The following UBE2F variants were observed in gnomAD, a reference collection of about 807,000 sequenced individuals.
UBE2F encodes ubiquitin conjugating enzyme E2 F (putative).
In UBE2F, 5 loss-of-function variants were observed where a neutral mutation model predicts 29.6. That is an observed-to-expected ratio of 0.17 (90% CI 0.09 to 0.36). The LOEUF (loss-of-function observed/expected upper bound fraction) is 0.36. Among genes scored for constraint, UBE2F ranks in the 10% least tolerant of loss-of-function variants. UBE2F has a pLI of 1.00. For missense variants in UBE2F, 141 were observed against 228.5 expected (o/e 0.62, Z 2.47); for synonymous variants, 66 against 81.8 (o/e 0.81, Z 1.04).
At chr2:237,979,810 G>A (rs1318425923) in intron 2 of UBE2F, among the ~76,000 whole-genome samples, 1 of 152,210 alleles carries the variant, frequency 6.6e-6, no homozygotes, top group Non-Finnish European at 1.5e-5. Flanking sequence ...AAAGTAAGTG[G>A]TAGGAGACCT....
At chr2:237,987,755 G>A (rs898823181) in intron 2 of UBE2F, among the ~76,000 whole-genome samples, 3 of 151,972 alleles carry the variant, frequency 2.0e-5, no homozygotes, top group Non-Finnish European at 4.4e-5. Flanking sequence ...AAGGACTTTT[G>A]ACTGAATTTG....
intron 9 of UBE2F, among the ~76,000 whole-genome samples, chr2:238,039,541 C>G (rs1576647835): frequency 6.6e-6 from 1 of 152,240 alleles, no homozygotes. Flanking sequence ...ATCATGATCC[C>G]TGTTTTGCTG....
At chr2:237,978,386 G>A (rs72981226) in intron 2 of UBE2F, among the ~76,000 whole-genome samples, 14,934 of 152,248 alleles carry the variant, frequency 0.098, 1,048 homozygotes, top group African/African-American at 0.2. Flanking sequence ...TCCCTGGGGA[G>A]GGGTGCGAGG....
intron 8 of UBE2F, 161 bp downstream of exon 8, chr2:238,032,415 C>A (rs1160769896): frequency 3.3e-6 from 2 of 605,894 alleles, no homozygotes; most frequent in Non-Finnish European, 5.8e-6. Flanking sequence ...TGGGTGGATC[C>A]CCACTTGAGT....
Position 238,035,868 on chromosome 2 carries a change from T to C in UBE2F, c.445-10T>C, listed in dbSNP as rs1342260009. On this transcript the variant is annotated splice_polypyrimidine_tract_variant and intron_variant, in intron 8 of 9. Coordinates refer to ENST00000272930, the MANE Select transcript of UBE2F (RefSeq NM_080678.3). Reference sequence around the variant, plus strand: ...TCCCAATGTTTACTTTAAGTTTCTCTCTTTTTAAGGATCTTTTGAATTTTG... The same window carrying C: ...TCCCAATGTTTACTTTAAGTTTCTCCCTTTTTAAGGATCTTTTGAATTTTG... 1.2e-6 allele frequency: 2 copies of C among 1,609,568 alleles called. No individual in the cohort carries two copies. The highest frequency in any genetic ancestry group is 1.7e-5 in the Admixed American group (1 of 59,986).
intron 4 of UBE2F, among the ~76,000 whole-genome samples, chr2:237,997,188 G>T (rs1470304479): frequency 2.0e-5 from 3 of 152,138 alleles, no homozygotes; most frequent in East Asian, 3.9e-4. Context: ...GATTGGCCCA[G>T]TGCACTCCAG....
intron 4 of UBE2F, among the ~76,000 whole-genome samples, chr2:238,006,363 C>G (rs992614157): frequency 6.6e-6 from 1 of 152,214 alleles, no homozygotes; most frequent in Non-Finnish European, 1.5e-5. Context: ...CAATGGGCAT[C>G]ACATTTCAAC....
chr2:238,016,523 T>C (rs951333674), intron 4 of UBE2F, 43 bp from the exon 5 acceptor site: 7 of 1,521,704 alleles, frequency 4.6e-6, no homozygotes, highest in Non-Finnish European at 5.4e-6. Context: ...CTTTTTTTTT[T>C]AATTTAAAGG....
chr2:238,013,320 T>C (rs1320562456), intron 4 of UBE2F, among the ~76,000 whole-genome samples: 1 of 151,900 alleles, frequency 6.6e-6, no homozygotes, highest in Non-Finnish European at 1.5e-5. Context: ...GAAAAGCGAA[T>C]GGAGACACAG....
intron 2 of UBE2F, chr2:237,973,663 C>T (rs763882390): frequency 2.3e-6 from 3 of 1,302,652 alleles, no homozygotes; most frequent in African/African-American, 1.5e-5. Context: ...AAGCCTACGG[C>T]GAATCTTGTG....
chr2:237,998,159 G>A (rs942223033), intron 4 of UBE2F, among the ~76,000 whole-genome samples: 42 of 152,084 alleles, frequency 2.8e-4, no homozygotes, highest in African/African-American at 9.9e-4. Context: ...GTTTTACTGA[G>A]GTATAAAATT....
At chr2:238,027,416 A>G (rs958188129) in intron 6 of UBE2F, among the ~76,000 whole-genome samples, 10 of 152,340 alleles carry the variant, frequency 6.6e-5, no homozygotes, top group Admixed American at 2.0e-4. Context: ...CAGTAACCAG[A>G]GAAAGGCGCA....
chr2:238,013,159 A>G (rs2064079286), intron 4 of UBE2F, among the ~76,000 whole-genome samples: 1 of 152,124 alleles, frequency 6.6e-6, no homozygotes, highest in Admixed American at 6.5e-5. Context: ...AGTCCCAGCT[A>G]CTTGGGTGGT....
intron 2 of UBE2F, chr2:237,973,680 T>C (rs1387685350): frequency 2.3e-5 from 30 of 1,302,790 alleles, no homozygotes; most frequent in Non-Finnish European, 2.9e-5. Context: ...TGTGAAAAAT[T>C]AGTTCTCTTC....
chr2:237,982,951 A>C lies in UBE2F; in HGVS notation c.119-5012A>C, dbSNP rs2063407433. ...GTGGGCATGAGAAGAATAATGGTAA[A>C]CCTTTCCTAGGATCACCATCATTAT... On this transcript the variant is annotated intron_variant, in intron 2 of 9. Coordinates refer to ENST00000272930, the MANE Select transcript of UBE2F (RefSeq NM_080678.3). The surrounding 1 kb of genome is among the most constrained non-coding windows in gnomAD (Gnocchi z 4.1). Among the ~76,000 whole-genome samples, 1 of 152,052 alleles carries C rather than the reference A, an allele frequency of 6.6e-6. No homozygotes were observed. Among genetic ancestry groups the C allele is most frequent in the Admixed American group, 6.5e-5 (1 of 15,270 alleles).
At chr2:238,000,767 A>G (rs1012504083) in intron 4 of UBE2F, among the ~76,000 whole-genome samples, 2 of 152,172 alleles carry the variant, frequency 1.3e-5, no homozygotes, top group Non-Finnish European at 2.9e-5. Flanking sequence ...TTGCATTCCT[A>G]CTAGCAATGA....
At chr2:237,983,346 C>G (rs2063416182) in intron 2 of UBE2F, among the ~76,000 whole-genome samples, 1 of 152,212 alleles carries the variant, frequency 6.6e-6, no homozygotes, top group Admixed American at 6.5e-5. Context: ...ATGTCCTGGC[C>G]CTGAGAGGGA....
chr2:238,036,345 T>G (rs139661778), intron 9 of UBE2F, among the ~76,000 whole-genome samples: 12 of 152,248 alleles, frequency 7.9e-5, no homozygotes, highest in African/African-American at 2.9e-4. Flanking sequence ...AGCTAATTTT[T>G]TTACTTTTAT....
chr2:237,994,430 T>C (rs912715569), intron 3 of UBE2F, among the ~76,000 whole-genome samples: 2 of 152,214 alleles, frequency 1.3e-5, no homozygotes, highest in African/African-American at 4.8e-5. Flanking sequence ...GGTTTCTTCT[T>C]GTCAAAGTAC....
Sources: allele counts gnomAD v4.1 joint callset (sites outside exome capture counted in the v4.1 genomes callset), GRCh38; gene constraint gnomAD v4.1.1; non-coding constraint Gnocchi (gnomAD v3.1); transcripts MANE v1.5; gene names NCBI Gene and HGNC (gene_info 2026-07-23, HGNC 2026-07-21).